Variants in RARA observed in about 807,000 individuals in gnomAD.
RARA encodes the protein PML-DDX5-RARA fusion.
RARA carries 5 observed loss-of-function variants against 42.8 expected under a neutral mutation model. That is an observed-to-expected ratio of 0.12 (90% confidence interval 0.06 to 0.25). The LOEUF (loss-of-function observed/expected upper bound fraction) is 0.25. RARA is among the 10% of genes least tolerant of loss of function. RARA has a pLI of 1.00. For synonymous variants in RARA, 256 were observed against 259.5 expected (o/e 0.99, Z 0.13); for missense variants, 402 against 628.7 (o/e 0.64, Z 3.86).
intron 1 of RARA, among the ~76,000 whole-genome samples, chr17:40,310,457 G>A (rs541192392): frequency 6.6e-6 from 1 of 152,122 alleles, no homozygotes; most frequent in Non-Finnish European, 1.5e-5. Flanking sequence ...ATCAATGTAT[G>A]ATAGGAATGG....
Position 40,355,269 on chromosome 17 carries a change from AG to A in RARA, c.1021del (p.Asp341ThrfsTer19). The stretch of plus-strand genomic sequence containing the variant: ...GGTGGTTCTGCTTCCTCAGACCGCC[AG>A]GACCTGGAGCAGCCGGACCGGGTGG... ...SAICLICGDR[Q>X]DLEQPDRVDM... On this transcript the variant is annotated frameshift_variant, in exon 8 of 9. Transcript: ENST00000254066. LOFTEE classifies it high-confidence loss of function. This position sits in a 1 kb window ranked among gnomAD's most constrained non-coding sequence, Gnocchi z 4.1. 6.3e-7 allele frequency: 1 copy of A among 1,575,774 alleles called. No homozygotes were observed. Among genetic ancestry groups the A allele is most frequent in the Non-Finnish European group, 8.6e-7 (1 of 1,160,050 alleles).
intron 1 of RARA, chr17:40,318,203 C>G (rs2033256539): frequency 1.3e-5 from 2 of 152,270 alleles, no homozygotes; most frequent in Non-Finnish European, 2.9e-5. Context: ...GCCTGAGGGA[C>G]AGGGCCTCCC....
Position 40,354,631 on chromosome 17 carries a change from C to CTACA in RARA, c.1012+126_1012+129dup. 8.4e-7 allele frequency: 1 copy of CTACA among 1,190,542 alleles called. No homozygotes were observed. 73.7% of individuals were successfully genotyped at this position (1,190,542 alleles called of 1,614,324 possible). A position where few individuals can be genotyped will look rare whatever the true frequency, so the allele number is the denominator to read the frequency against. The stretch of plus-strand genomic sequence containing the variant: ...CTAGAGGGCAGGGTCTGGTCTGCAA[C>CTACA]TACACAGCAAGGGGGCCATGTGGGG... On this transcript the variant is annotated intron_variant, in intron 7 of 8. Transcript: ENST00000254066. The surrounding 1 kb of genome is among the most constrained non-coding windows in gnomAD (Gnocchi z 4.5).
At chr17:40,344,806 G>A (rs2034201595) in intron 2 of RARA, among the ~76,000 whole-genome samples, 1 of 152,204 alleles carries the variant, frequency 6.6e-6, no homozygotes, top group African/African-American at 2.4e-5. Flanking sequence ...GGGTCTGGGG[G>A]CTTGCCTTGA....
At chr17:40,347,341 A>G (rs1247568468) in intron 2 of RARA, among the ~76,000 whole-genome samples, 1 of 152,134 alleles carries the variant, frequency 6.6e-6, no homozygotes, top group East Asian at 1.9e-4. Flanking sequence ...TCCTGGTCAT[A>G]GTTCTTATCT....
intron 2 of RARA, among the ~76,000 whole-genome samples, chr17:40,346,396 C>T (rs1454652486): frequency 1.3e-5 from 2 of 151,902 alleles, no homozygotes; most frequent in Non-Finnish European, 2.9e-5. Context: ...CCAGGGCAAA[C>T]GGTGGATTAG....
intron 1 of RARA, among the ~76,000 whole-genome samples, chr17:40,316,526 A>C (rs2033216869): frequency 6.6e-6 from 1 of 152,206 alleles, no homozygotes; most frequent in Non-Finnish European, 1.5e-5. Context: ...GCATGCTTGC[A>C]TTCTTGTGTC....
In RARA at chr17:40,356,303, G is replaced by A. The variant is rs898329126; in HGVS notation, c.*77G>A. 36 of 1,434,038 alleles carry A rather than the reference G, an allele frequency of 2.5e-5. No homozygotes were observed. Among genetic ancestry groups the A allele is most frequent in the African/African-American group, 4.2e-5 (3 of 70,974 alleles). 88.8% of individuals were successfully genotyped at this position (1,434,038 alleles called of 1,614,324 possible). A position where few individuals can be genotyped will look rare whatever the true frequency, so the allele number is the denominator to read the frequency against. On this transcript the variant is annotated 3_prime_UTR_variant, in exon 9 of 9. Transcript: ENST00000254066. ...GCCTTTCTACCGACCATGTGACCCC[G>A]CACCAGCCCTGCCCCCACCTGCCCT...
chr17:40,330,993 G>T lies in RARA; in HGVS notation c.-226G>T. 1 of 519,508 alleles carries T rather than the reference G, an allele frequency of 1.9e-6. No homozygotes were observed. The highest frequency in any genetic ancestry group is 3.4e-6 in the Non-Finnish European group (1 of 296,356). The allele number at this position is 519,508 out of a possible 1,614,324, so 32.2% of individuals were successfully genotyped here. ...ACAGAACTGCTTGACCAAAGGACCG[G>T]CTCTTGAGACATCCCCCAACCCACC... On this transcript the variant is annotated 5_prime_UTR_variant, in exon 2 of 9. Transcript: ENST00000254066.
intron 1 of RARA, among the ~76,000 whole-genome samples, chr17:40,319,002 T>C (rs547901135): frequency 1.3e-5 from 2 of 152,196 alleles, no homozygotes; most frequent in South Asian, 2.1e-4. Flanking sequence ...AGTATGTGTG[T>C]AGGGGTGTTC....
At chr17:40,344,330 G>A (rs948797239) in intron 2 of RARA, among the ~76,000 whole-genome samples, 2 of 152,154 alleles carry the variant, frequency 1.3e-5, no homozygotes, top group Admixed American at 1.3e-4. Context: ...GACTTTGGAA[G>A]AAGAGAGAGT....
Position 40,350,153 on chromosome 17 carries a change from T to G in RARA, c.469+228T>G, listed in dbSNP as rs1332339295. ...GGTCTGTGCTCCGGGACCGTGTATG[T>G]GTAACCATTCCTGTTTCTGCACGTC... On this transcript the variant is annotated intron_variant, in intron 4 of 8. Transcript: ENST00000254066. The G allele has an allele frequency of 5.2e-6, 3 of 580,074 alleles. No individual in the cohort carries two copies. In the East Asian group the frequency reaches 9.3e-5, roughly 18 times the overall value. 35.9% of individuals were successfully genotyped at this position (580,074 alleles called of 1,614,324 possible). A position where few individuals can be genotyped will look rare whatever the true frequency, so the allele number is the denominator to read the frequency against.
intron 2 of RARA, chr17:40,342,077 G>A: frequency 9.4e-7 from 1 of 1,059,226 alleles, no homozygotes. Context: ...GTTAAGCCAG[G>A]GGCGGTGCCT....
chr17:40,356,179 C>T lies in RARA; in HGVS notation c.1342C>T (p.Leu448Phe). The T allele has an allele frequency of 1.3e-6, 2 of 1,550,998 alleles. No individual in the cohort carries two copies. Among genetic ancestry groups the T allele is most frequent in the South Asian group, 1.2e-5 (1 of 84,162 alleles). The change falls in exon 9 of 9, where the codon CTC becomes TTC. Residue 448 changes from leucine to phenylalanine, a missense_variant. Coordinates refer to ENST00000254066, the MANE Select transcript of RARA (RefSeq NM_000964.4). ...APPPGSCSPS[L>F]SPSSNRSSPA... ...CCCGCCAGGCAGCTGTAGCCCCAGC[C>T]TCAGCCCCAGCTCCAACAGAAGCAG...
intron 2 of RARA, among the ~76,000 whole-genome samples, chr17:40,336,483 C>G (rs934390191): frequency 6.6e-6 from 1 of 152,120 alleles, no homozygotes; most frequent in East Asian, 1.9e-4. Context: ...CCTCTGCCTC[C>G]CAGGTTCAAG....
Position 40,349,349 on chromosome 17 carries a change from G to A in RARA, c.328-435G>A, listed in dbSNP as rs572331702. 6 of 185,370 alleles carry A rather than the reference G, an allele frequency of 3.2e-5. No homozygotes were observed. In the South Asian group the frequency reaches 4.3e-4, roughly 13 times the overall value. The allele number at this position is 185,370 out of a possible 1,614,324, so 11.5% of individuals were successfully genotyped here. On this transcript the variant is annotated intron_variant, in intron 3 of 8. Transcript: ENST00000254066. ...TGCTCCTGAGTGCATGTGTGTGTTC[G>A]CCTCCATTTCTCTGGCCAGCCCGTG...
intron 2 of RARA, among the ~76,000 whole-genome samples, chr17:40,340,068 G>A (rs2715553): frequency 0.62 from 94,172 of 151,968 alleles, 31,038 homozygotes; most frequent in African/African-American, 0.86. Flanking sequence ...TCACTGATGC[G>A]TAAGTCACAC....
In RARA at chr17:40,355,993, C is replaced by A; in HGVS notation, c.1172-16C>A. On this transcript the variant is annotated splice_polypyrimidine_tract_variant and intron_variant, in intron 8 of 8. Coordinates refer to ENST00000254066, the MANE Select transcript of RARA (RefSeq NM_000964.4). The surrounding 1 kb of genome is among the most constrained non-coding windows in gnomAD (Gnocchi z 4.1). ...CTGGCCCAGCGTGCTGACCTCTGCC[C>A]CCTCCTTTCCTGCAGGGGCTGAGCG... The A allele has an allele frequency of 6.3e-7, 1 of 1,586,144 alleles. No homozygotes were observed. The highest frequency in any genetic ancestry group is 8.6e-7 in the Non-Finnish European group (1 of 1,167,388).
chr17:40,332,513 C>CTTTGT (rs2033726147), intron 2 of RARA, among the ~76,000 whole-genome samples: 1 of 152,164 alleles, frequency 6.6e-6, no homozygotes, highest in Non-Finnish European at 1.5e-5. Context: ...AGCGCTCTCT[C>CTTTGT]CCCGGAGCCA....
Sources: gnomAD v4.1 joint callset for allele counts (sites outside exome capture counted in the v4.1 genomes callset) on GRCh38, gnomAD v4.1.1 for gene constraint, Gnocchi (gnomAD v3.1) non-coding constraint, MANE v1.5 for transcripts, NCBI Gene and HGNC (gene_info 2026-07-23, HGNC 2026-07-21) for gene names.